TBX1: variants seen among roughly 807,000 people sequenced by gnomAD.
The protein encoded by TBX1 is T-box transcription factor TBX1.
TBX1 carries 16 observed loss-of-function variants against 40.8 expected under a neutral mutation model. The observed-to-expected ratio is 0.39, with a 90% CI of 0.27 to 0.60. TBX1 has a LOEUF of 0.60. TBX1 is among the 20% of genes least tolerant of loss of function. The probability of loss-of-function intolerance (pLI) is 0.51; values close to 1 mark genes in which losing one functional copy is unlikely to be tolerated. For synonymous variants in TBX1, 403 were observed against 336.8 expected (o/e 1.20, Z -2.15); for missense variants, 755 against 728.5 (o/e 1.04, Z -0.42).
upstream of TBX1, among the ~76,000 whole-genome samples, chr22:19,758,656 G>T (rs1936540979): frequency 6.6e-6 from 1 of 152,098 alleles, no homozygotes; most frequent in South Asian, 2.1e-4. Flanking sequence ...CCCTCGGCTG[G>T]CCAGGCTCCG....
chr22:19,764,039 T>G (rs1601288985), intron 2 of TBX1, 116 bp from the exon 3 acceptor site: 1 of 1,173,276 alleles, frequency 8.5e-7, no homozygotes, highest in Non-Finnish European at 1.2e-6. Context: ...CAGCAGAGGG[T>G]TCAATCTCAC....
chr22:19,760,639 G>A (rs1258694413), upstream of TBX1, among the ~76,000 whole-genome samples: 2 of 104,136 alleles, frequency 1.9e-5, no homozygotes, highest in African/African-American at 3.6e-5. Flanking sequence ...GGAGGGGCGA[G>A]GGCCGGGGGA....
At position 19,766,899 on chromosome 22, in the gene TBX1, T is replaced by G. The variant is rs1936880410; in HGVS notation, c.*32T>G. 4 of 1,576,926 alleles carry G rather than the reference T, an allele frequency of 2.5e-6. No homozygotes were observed. In the East Asian group the frequency reaches 9.3e-5, roughly 37 times the overall value. ...CCCTGTCGCGCTCCCGCCCCGGTCC[T>G]GCACAGCCCCGAAGTTCGCCGGGCC... On this transcript the variant is annotated 3_prime_UTR_variant, in exon 7 of 7. Transcript: ENST00000649276.
At chr22:19,769,121 C>T (rs977446602), downstream of TBX1, among the ~76,000 whole-genome samples, 9 of 151,910 alleles carry the variant, frequency 5.9e-5, no homozygotes, top group South Asian at 4.2e-4. Context: ...CCACCATGCC[C>T]GGCTAATTTT....
chr22:19,767,820 G>A (rs530650750), downstream of TBX1, among the ~76,000 whole-genome samples: 5 of 152,338 alleles, frequency 3.3e-5, no homozygotes, highest in African/African-American at 7.2e-5. Context: ...CCGGGATGGG[G>A]TCATGGAAAG....
chr22:19,776,857 G>C (rs555556501), intron 8 of TBX1, among the ~76,000 whole-genome samples: 2 of 152,228 alleles, frequency 1.3e-5, no homozygotes, highest in Admixed American at 6.5e-5. Context: ...AAGGAAGCAG[G>C]CTCGGGAGGT....
At chr22:19,782,500 C>T (rs1222927142), downstream of TBX1, among the ~76,000 whole-genome samples, 8 of 152,198 alleles carry the variant, frequency 5.3e-5, no homozygotes, top group Admixed American at 5.2e-4. Context: ...GACACTTTAG[C>T]ATCTCTTCCT....
rs761327170 is a variant in TBX1, at chr22:19,766,621, C to G, written c.1269C>G (p.His423Gln). 1.9e-6 allele frequency: 3 copies of G among 1,543,072 alleles called. No homozygotes were observed. The highest frequency in any genetic ancestry group is 2.6e-6 in the Non-Finnish European group (3 of 1,153,026). ...APGASEPLHH[H>Q]PYKYPAAAYD... is the part of the protein sequence containing the mutation. ...GCGCATCGGAGCCGCTGCACCACCA[C>G]CCCTACAAATATCCGGCCGCCGCCT... Residue 423 changes from histidine (H) to glutamine (Q), a missense_variant, in exon 7 of 7, where the codon CAC becomes CAG. By Grantham distance (24) the His-to-Gln change is conservative. Transcript: ENST00000649276.
downstream of TBX1, among the ~76,000 whole-genome samples, chr22:19,781,975 C>CTGGATCATATACCTGA (rs41298844): frequency 6.6e-6 from 1 of 151,882 alleles, no homozygotes; most frequent in Admixed American, 6.6e-5. Context: ...AAAAATATCA[C>CTGGATCATATACCTGA]TGGTTTATTT....
At position 19,765,095 on chromosome 22, in the gene TBX1, T is replaced by C. The variant is rs746900412; in HGVS notation, c.849T>C (p.Thr283=). 3 of 1,614,208 alleles carry C rather than the reference T, an allele frequency of 1.9e-6. No homozygotes were observed. The highest frequency in any genetic ancestry group is 2.5e-6 in the Non-Finnish European group (3 of 1,180,036). The change falls in exon 4 of 7, where the codon ACT becomes ACC. Residue 283 remains threonine (T), a synonymous_variant. Transcript: ENST00000649276. ...AGGAGACACGATTCACCGCGGTCAC[T>C]GCCTACCAGAACCATCGGGTGAGGG... The part of the protein sequence containing the change: ...VFEETRFTAV[T]AYQNHRITQL...
At chr22:19,765,670 T>C in intron 4 of TBX1, 88 bp from the exon 5 acceptor site, 2 of 1,466,540 alleles carry the variant, frequency 1.4e-6, no homozygotes, top group Non-Finnish European at 1.9e-6. Context: ...CTTGGTGCGC[T>C]TCTCCTAACA....
rs1218308239 is a variant in TBX1, at chr22:19,761,241, A to T, written c.398A>T (p.Asn133Ile). The change falls in exon 1 of 7, where the codon AAC (asparagine) becomes ATC (isoleucine). Residue 133 changes from asparagine to isoleucine, a missense_variant. Asn to Ile is a moderately radical substitution (Grantham distance 149, BLOSUM62 -3). Transcript: ENST00000649276. Reference sequence around the variant, plus strand: ...ATGAAGGCGCTGTGGGACGAGTTCAACCAGCTGGGCACCGAGATGATCGTC... The same window carrying T: ...ATGAAGGCGCTGTGGGACGAGTTCATCCAGCTGGGCACCGAGATGATCGTC... Reference protein sequence around the residue: ...LEMKALWDEFNQLGTEMIVTK... With the variant: ...LEMKALWDEFIQLGTEMIVTK... The T allele has an allele frequency of 1.3e-6, 2 of 1,571,370 alleles. No individual in the cohort carries two copies. The highest frequency in any genetic ancestry group is 2.4e-5 in the East Asian group (1 of 40,990).
At chr22:19,770,585 C>T (rs1021072657), downstream of TBX1, among the ~76,000 whole-genome samples, 3 of 152,222 alleles carry the variant, frequency 2.0e-5, no homozygotes, top group Non-Finnish European at 4.4e-5. Context: ...CGGAGGAAGA[C>T]AAGACCCTGG....
Position 19,766,501 on chromosome 22 carries a change from C to G in TBX1, c.1149C>G (p.Pro383=). ...LLARVLSPSL[P]GAGGAGGLVP... ...CCCGGGTGCTAAGCCCCTCGCTGCC[C>G]GGGGCCGGCGGCGCCGGCGGCTTAG... The change falls in exon 7 of 7, where the codon CCC becomes CCG. Residue 383 remains proline (P), a synonymous_variant. Coordinates refer to ENST00000649276, the MANE Select transcript of TBX1 (RefSeq NM_001379200.1). The G allele has an allele frequency of 7.6e-7, 1 of 1,309,500 alleles. No individual in the cohort carries two copies. Among genetic ancestry groups the G allele is most frequent in the Non-Finnish European group, 9.7e-7 (1 of 1,031,814 alleles). 81.1% of individuals were successfully genotyped at this position (1,309,500 alleles called of 1,614,324 possible).
At chr22:19,783,287 G>A (rs534642931), downstream of TBX1, 38 of 466,720 alleles carry the variant, frequency 8.1e-5, no homozygotes, top group African/African-American at 3.7e-4. Flanking sequence ...CAAATGACTC[G>A]ATTTCTCTAC....
At chr22:19,775,509 G>C (rs1182040306) in intron 8 of TBX1, among the ~76,000 whole-genome samples, 1 of 152,254 alleles carries the variant, frequency 6.6e-6, no homozygotes, top group Admixed American at 6.5e-5. Flanking sequence ...TGCCTCTAAA[G>C]CGGTGGTTTT....
At chr22:19,759,070 C>T (rs1333284332), upstream of TBX1, among the ~76,000 whole-genome samples, 1 of 152,172 alleles carries the variant, frequency 6.6e-6, no homozygotes, top group Admixed American at 6.5e-5. Context: ...CCACTCGCTG[C>T]TTCATGGGTG....
At chr22:19,770,220 C>A (rs1337762578), downstream of TBX1, among the ~76,000 whole-genome samples, 1 of 152,170 alleles carries the variant, frequency 6.6e-6, no homozygotes, top group Admixed American at 6.5e-5. Context: ...CTCCTCACTC[C>A]CAAAAACTCT....
At chr22:19,769,241 A>G (rs1225730174), downstream of TBX1, among the ~76,000 whole-genome samples, 2 of 152,152 alleles carry the variant, frequency 1.3e-5, no homozygotes, top group African/African-American at 2.4e-5. Flanking sequence ...GCTTTCAGGC[A>G]TGAGCCATCA....
Sources: gnomAD v4.1 joint callset for allele counts (sites outside exome capture counted in the v4.1 genomes callset) on GRCh38, gnomAD v4.1.1 for gene constraint, MANE v1.5 for transcripts, NCBI Gene and HGNC (gene_info 2026-07-23, HGNC 2026-07-21) for gene names.